TUSC3: variants seen among roughly 807,000 people sequenced by gnomAD.
The protein encoded by TUSC3 is dolichyl-diphosphooligosaccharide--protein glycosyltransferase subunit TUSC3.
Under a neutral mutation model 44.8 loss-of-function variants are expected in TUSC3, and 45 were observed. That is an observed-to-expected ratio of 1.00 (90% CI 0.79 to 1.29). The LOEUF (loss-of-function observed/expected upper bound fraction) is 1.29, where lower values mean the gene tolerates loss of function less well. Among genes scored for constraint, TUSC3 ranks in the 50% most tolerant of loss-of-function variants. The pLI is 0.00. For missense variants in TUSC3, 519 were observed against 437.9 expected (o/e 1.19, Z -1.65); for synonymous variants, 212 against 152.9 (o/e 1.39, Z -2.85).
chr8:15,504,613 ATATATATATT>A (rs1415558926), intron 2 of TUSC3, among the ~76,000 whole-genome samples: 12 of 20,726 alleles, frequency 5.8e-4, no homozygotes, highest in South Asian at 2.1e-3. Flanking sequence ...ATATATATAT[ATATATATATT>A]TTTTTTTTTT....
At chr8:15,436,813 G>A (rs922495631) in intron 1 of TUSC3, among the ~76,000 whole-genome samples, 1 of 152,024 alleles carries the variant, frequency 6.6e-6, no homozygotes, top group African/African-American at 2.4e-5. Context: ...AAAATACAGA[G>A]GTTAACTCAT....
intron 6 of TUSC3, among the ~76,000 whole-genome samples, chr8:15,694,575 C>G (rs1809074161): frequency 6.6e-6 from 1 of 151,598 alleles, no homozygotes; most frequent in African/African-American, 2.4e-5. Context: ...TCCCTTCAGT[C>G]TTAGAAGTTG....
chr8:15,500,617 C>A (rs1053599782), intron 2 of TUSC3, among the ~76,000 whole-genome samples: 3 of 152,202 alleles, frequency 2.0e-5, no homozygotes, highest in Non-Finnish European at 4.4e-5. Flanking sequence ...CCAGTTGAAC[C>A]TGGTAGATGA....
rs1356364186 is a variant in TUSC3 at position 15,457,236 on chromosome 8, C to T, written n.92-26150C>T. Among the ~76,000 whole-genome samples, 7 of 151,772 alleles carry T rather than the reference C, an allele frequency of 4.6e-5. 1 individual carries two copies. In the South Asian group the frequency reaches 1.5e-3, roughly 31 times the overall value. ...AAAGTAAATGACGAGTTAATGGGTG[C>T]AGCACACCAACATGGCACGTGTATA... On this transcript the variant is annotated intron_variant and non_coding_transcript_variant, in intron 1 of 5. Transcript: ENST00000503191.
At chr8:15,788,000 A>G in the TUSC3 span, among the ~76,000 whole-genome samples, 1 of 152,226 alleles carries the variant, frequency 6.6e-6, no homozygotes, top group Admixed American at 6.5e-5. Flanking sequence ...ATTCTGAAGA[A>G]GTACATAACT....
the TUSC3 span, among the ~76,000 whole-genome samples, chr8:15,839,176 T>C: frequency 6.6e-6 from 1 of 152,168 alleles, no homozygotes; most frequent in Non-Finnish European, 1.5e-5. Flanking sequence ...TATTGGTGTA[T>C]AGGAATGCTT....
the TUSC3 span, among the ~76,000 whole-genome samples, chr8:15,835,152 A>G: frequency 2.0e-5 from 3 of 152,130 alleles, no homozygotes; most frequent in African/African-American, 7.2e-5. Context: ...ATCTTTTTAG[A>G]CTTATCCTTT....
chr8:15,832,297 T>G, the TUSC3 span, among the ~76,000 whole-genome samples: 1 of 152,050 alleles, frequency 6.6e-6, no homozygotes, highest in Non-Finnish European at 1.5e-5. Flanking sequence ...AAACACTGAA[T>G]ATGGAAAGAC....
At chr8:15,759,169 A>G (rs181856042) in intron 10 of TUSC3, among the ~76,000 whole-genome samples, 127 of 152,282 alleles carry the variant, frequency 8.3e-4, no homozygotes, top group African/African-American at 3.0e-3. Context: ...CCACTGGCCT[A>G]TCTGTGCTTA....
At chr8:15,550,153 G>A (rs186282967) in intron 1 of TUSC3, among the ~76,000 whole-genome samples, 3 of 151,882 alleles carry the variant, frequency 2.0e-5, no homozygotes, top group African/African-American at 7.2e-5. Flanking sequence ...GATTAGGTCA[G>A]GGGTCGTTCT....
intron 1 of TUSC3, among the ~76,000 whole-genome samples, chr8:15,577,903 G>T (rs575392151): frequency 4.6e-4 from 69 of 150,952 alleles, no homozygotes; most frequent in Non-Finnish European, 8.3e-4. Flanking sequence ...ATTACCTTGG[G>T]CAGTACGGCC....
At chr8:15,673,897 G>A (rs535197737) in intron 6 of TUSC3, 61 bp downstream of exon 6, 3 of 1,389,998 alleles carry the variant, frequency 2.2e-6, no homozygotes, top group East Asian at 2.3e-5. Flanking sequence ...TTAGGAATAA[G>A]AAATTATGTT....
At chr8:15,792,379 G>A in the TUSC3 span, among the ~76,000 whole-genome samples, 7 of 152,108 alleles carry the variant, frequency 4.6e-5, no homozygotes, top group South Asian at 2.1e-4. Context: ...GGCCACTTTC[G>A]AGTGGCAAAA....
At chr8:15,721,060 A>G (rs1445922965) in intron 6 of TUSC3, among the ~76,000 whole-genome samples, 4 of 152,118 alleles carry the variant, frequency 2.6e-5, no homozygotes, top group Non-Finnish European at 4.4e-5. Context: ...GAAGAAGACA[A>G]TGATTCTTAC....
At chr8:15,598,377 G>T (rs1376617635) in intron 1 of TUSC3, among the ~76,000 whole-genome samples, 1 of 151,804 alleles carries the variant, frequency 6.6e-6, no homozygotes, top group African/African-American at 2.4e-5. Flanking sequence ...TATATCTCTT[G>T]CCTCCACACA....
chr8:15,810,133 G>A, the TUSC3 span, among the ~76,000 whole-genome samples: 1 of 152,098 alleles, frequency 6.6e-6, no homozygotes, highest in Non-Finnish European at 1.5e-5. Context: ...AGTATCACCT[G>A]CAGACTTGGG....
At chr8:15,831,133 A>G in the TUSC3 span, among the ~76,000 whole-genome samples, 1 of 152,186 alleles carries the variant, frequency 6.6e-6, no homozygotes, top group African/African-American at 2.4e-5. Flanking sequence ...ACAAAGATGG[A>G]GCGCAAAACA....
chr8:15,756,472 A>G (rs1019958564), intron 9 of TUSC3, among the ~76,000 whole-genome samples: 1 of 152,186 alleles, frequency 6.6e-6, no homozygotes, highest in African/African-American at 2.4e-5. Context: ...ATTATTCAGT[A>G]GTACTTTGTC....
chr8:15,785,896 T>C, the TUSC3 span, among the ~76,000 whole-genome samples: 8 of 152,206 alleles, frequency 5.3e-5, no homozygotes, highest in South Asian at 6.2e-4. Context: ...TGCTGCATGG[T>C]CCAATTGCTT....
Sources: gnomAD v4.1 joint callset for allele counts (sites outside exome capture counted in the v4.1 genomes callset) on GRCh38, gnomAD v4.1.1 for gene constraint, MANE v1.5 for transcripts, NCBI Gene and HGNC (gene_info 2026-07-23, HGNC 2026-07-21) for gene names.